The following CMTM4 variants were observed in gnomAD, a reference collection of about 807,000 sequenced individuals.
CMTM4 encodes CKLF like MARVEL transmembrane domain containing 4.
Under a neutral mutation model 19.0 loss-of-function variants are expected in CMTM4, and 8 were observed. The ratio of observed to expected loss-of-function variants is 0.42; its 90% CI spans 0.25 to 0.76. The LOEUF is 0.76. Ranked by LOEUF, CMTM4 falls within the 30% of genes least tolerant of loss-of-function variation. CMTM4 has a pLI of 0.27. For missense variants in CMTM4, 228 were observed against 290.2 expected, an observed-to-expected ratio of 0.79 and a Z score of 1.56; for synonymous variants, 106 against 121.1, an observed-to-expected ratio of 0.88 and a Z score of 0.82.
At chr16:66,634,236 TTG>T (rs2015943928) in intron 2 of CMTM4, among the ~76,000 whole-genome samples, 1 of 152,052 alleles carries the variant, frequency 6.6e-6, no homozygotes, top group East Asian at 1.9e-4. Flanking sequence ...GGTCAGGTGT[TTG>T]AAACCAGCCT....
chr16:66,612,479 C>T (rs1036162212), downstream of CMTM4: 9 of 881,616 alleles, frequency 1.0e-5, no homozygotes, highest in East Asian at 7.7e-5. The surrounding 1 kb of genome is among the most constrained non-coding windows in gnomAD (Gnocchi z 6.0). Context: ...TCACTGGGAA[C>T]GGTAGAGTCA....
chr16:66,681,875 G>A (rs2016922127), intron 1 of CMTM4, among the ~76,000 whole-genome samples: 1 of 152,138 alleles, frequency 6.6e-6, no homozygotes, highest in African/African-American at 2.4e-5. Context: ...TTTCTGGGCT[G>A]GACCCTAGCA....
chr16:66,645,724 A>C (rs967303660), intron 1 of CMTM4, among the ~76,000 whole-genome samples: 1 of 152,088 alleles, frequency 6.6e-6, no homozygotes, highest in African/African-American at 2.4e-5. Flanking sequence ...CACGCCTGTA[A>C]TCCCAGCACT....
At chr16:66,600,136 G>GTGTGTGGTT in the CMTM4 span, among the ~76,000 whole-genome samples, 2 of 135,154 alleles carry the variant, frequency 1.5e-5, no homozygotes, top group Admixed American at 7.8e-5. Context: ...GTGTGTGTGT[G>GTGTGTGGTT]TTTTTTTTTG....
the CMTM4 span, chr16:66,609,684 ACT>A: frequency 7.8e-6 from 12 of 1,539,804 alleles, no homozygotes; most frequent in East Asian, 2.9e-4. This position sits in a 1 kb window ranked among gnomAD's most constrained non-coding sequence, Gnocchi z 4.4. Context: ...TTAAAGACTG[ACT>A]CTACCCGGGG....
chr16:66,637,995 A>ACGG (rs1443208968), intron 1 of CMTM4, among the ~76,000 whole-genome samples: 2 of 152,214 alleles, frequency 1.3e-5, no homozygotes, highest in Admixed American at 6.5e-5. Flanking sequence ...CATCCAAGGC[A>ACGG]CGGGCTGTTC....
rs774964259 is a variant in CMTM4 at position 66,696,719 on chromosome 16, C to G, written c.-194G>C. ...CGGCTCGGTCCGCTCGGGCTCGGCTCCCGCCGCCTCGGCAGCGGAAAGGGA... is the reference window on the plus strand; with the variant it reads ...CGGCTCGGTCCGCTCGGGCTCGGCTGCCGCCGCCTCGGCAGCGGAAAGGGA... On this transcript the variant is annotated 5_prime_UTR_variant, in exon 1 of 4. Transcript: ENST00000394106. The surrounding 1 kb of genome is among the most constrained non-coding windows in gnomAD (Gnocchi z 4.3). 11 of 154,644 alleles carry G rather than the reference C, an allele frequency of 7.1e-5. No homozygotes were observed. Among genetic ancestry groups the G allele is most frequent in the South Asian group, 1.8e-4 (1 of 5,524 alleles). The allele number at this position is 154,644 out of a possible 1,614,324, so 9.6% of individuals were successfully genotyped here. A position where few individuals can be genotyped will look rare whatever the true frequency, so the allele number is the denominator to read the frequency against.
In CMTM4 at chr16:66,619,034, G is replaced by A. The variant is rs1230300948; in HGVS notation, c.*3024C>T. 2 of 985,362 alleles carry A rather than the reference G, an allele frequency of 2.0e-6. No homozygotes were observed. Among genetic ancestry groups the A allele is most frequent in the Admixed American group, 6.1e-5 (1 of 16,272 alleles). 61.0% of individuals were successfully genotyped at this position (985,362 alleles called of 1,614,324 possible). On this transcript the variant is annotated 3_prime_UTR_variant, in exon 4 of 4. Transcript: ENST00000394106. The stretch of plus-strand genomic sequence containing the variant: ...TAGACAAAAGTCACCTCCCTCGGAT[G>A]GCTGTTTACTTCAAATCAAACTTCT...
At chr16:66,690,381 T>A (rs1272593345) in intron 1 of CMTM4, among the ~76,000 whole-genome samples, 1 of 152,182 alleles carries the variant, frequency 6.6e-6, no homozygotes, top group Admixed American at 6.6e-5. Context: ...AACCAGCCCC[T>A]CCAACAGAAC....
At chr16:66,682,099 G>A (rs1392030155) in intron 1 of CMTM4, among the ~76,000 whole-genome samples, 1 of 152,152 alleles carries the variant, frequency 6.6e-6, no homozygotes, top group African/African-American at 2.4e-5. Flanking sequence ...CAAGAGCTCT[G>A]GGAGCTCTTT....
Position 66,619,317 on chromosome 16 carries a change from C to T in CMTM4, c.*2741G>A. 2.0e-6 allele frequency: 2 copies of T among 985,404 alleles called. No homozygotes were observed. The highest frequency in any genetic ancestry group is 2.4e-6 in the Non-Finnish European group (2 of 829,924). 61.0% of individuals were successfully genotyped at this position (985,404 alleles called of 1,614,324 possible). A position where few individuals can be genotyped will look rare whatever the true frequency, so the allele number is the denominator to read the frequency against. ...ATCCATCTAAAACCACCAGAGGTTC[C>T]ACCAAATGCTTGAGGGTTTCAGCTG... On this transcript the variant is annotated 3_prime_UTR_variant, in exon 4 of 4. Coordinates refer to ENST00000394106, the MANE Select transcript of CMTM4 (RefSeq NM_181521.3).
chr16:66,616,993 ACT>A lies in CMTM4; in HGVS notation c.*5063_*5064del, dbSNP rs2015538277. 3.8e-6 allele frequency: 1 copy of A among 259,970 alleles called. No homozygotes were observed. The highest frequency in any genetic ancestry group is 5.1e-5 in the Admixed American group (1 of 19,794). 16.1% of individuals were successfully genotyped at this position (259,970 alleles called of 1,614,324 possible). ...TCTTTTCAGGCAGTTATGAAAAGAA[ACT>A]CTGACCTGGCCCTAAATCCCATCAG... On this transcript the variant is annotated 3_prime_UTR_variant, in exon 4 of 4. Transcript: ENST00000394106.
At chr16:66,612,411 GA>G (rs2015412851), downstream of CMTM4, among the ~76,000 whole-genome samples, 1 of 152,116 alleles carries the variant, frequency 6.6e-6, no homozygotes, top group Admixed American at 6.5e-5. This position sits in a 1 kb window ranked among gnomAD's most constrained non-coding sequence, Gnocchi z 6.0. Context: ...AAGAGAGAGA[GA>G]AAGTGGCTGC....
At chr16:66,623,338 G>C in intron 3 of CMTM4, 66 bp downstream of exon 3, 1 of 1,177,556 alleles carries the variant, frequency 8.5e-7, no homozygotes, top group Non-Finnish European at 1.2e-6. Context: ...ACACATGCCA[G>C]GGACAGGCGA....
intron 1 of CMTM4, among the ~76,000 whole-genome samples, chr16:66,645,416 A>T (rs1197242101): frequency 6.6e-6 from 1 of 151,904 alleles, no homozygotes; most frequent in Admixed American, 6.6e-5. Context: ...TGTCTCTACT[A>T]AAAATACAAA....
chr16:66,689,968 T>A (rs1281456521), intron 1 of CMTM4, among the ~76,000 whole-genome samples: 1 of 152,214 alleles, frequency 6.6e-6, no homozygotes, highest in African/African-American at 2.4e-5. Flanking sequence ...ATTTAACAAC[T>A]TCTTTTGAGA....
At chr16:66,687,851 C>T (rs1220543187) in intron 1 of CMTM4, among the ~76,000 whole-genome samples, 2 of 152,020 alleles carry the variant, frequency 1.3e-5, no homozygotes, top group Non-Finnish European at 2.9e-5. Context: ...CCACACCCGG[C>T]TAATTTTTTA....
At chr16:66,664,337 A>G (rs1201544581) in intron 1 of CMTM4, among the ~76,000 whole-genome samples, 1 of 152,194 alleles carries the variant, frequency 6.6e-6, no homozygotes, top group East Asian at 1.9e-4. Flanking sequence ...GGAGAATGGA[A>G]ATGATACCAG....
At chr16:66,630,495 C>T (rs919910722) in intron 2 of CMTM4, among the ~76,000 whole-genome samples, 3 of 151,894 alleles carry the variant, frequency 2.0e-5, no homozygotes, top group Admixed American at 6.5e-5. Context: ...CGCGCCGCCA[C>T]GCCTGACTGG....
Sources: gnomAD v4.1 joint callset for allele counts (sites outside exome capture counted in the v4.1 genomes callset) on GRCh38, gnomAD v4.1.1 for gene constraint, Gnocchi (gnomAD v3.1) non-coding constraint, MANE v1.5 for transcripts, NCBI Gene and HGNC (gene_info 2026-07-23, HGNC 2026-07-21) for gene names.